IQCH: variants seen among roughly 807,000 people sequenced by gnomAD.
IQCH encodes IQ domain-containing protein H.
Under a neutral mutation model 117.0 loss-of-function variants are expected in IQCH, and 98 were observed. The ratio of observed to expected loss-of-function variants is 0.84; its 90% CI spans 0.71 to 0.99. IQCH has a LOEUF of 0.99. Ranked by LOEUF, IQCH falls within the 50% of genes least tolerant of loss-of-function variation. IQCH has a pLI of 0.00. For synonymous variants in IQCH, 412 were observed against 448.2 expected (o/e 0.92, Z 1.02); for missense variants, 1,102 against 1,243.8 (o/e 0.89, Z 1.72).
intron 6 of IQCH, among the ~76,000 whole-genome samples, chr15:67,355,861 T>C (rs1969871105): frequency 6.6e-6 from 1 of 152,236 alleles, no homozygotes; most frequent in African/African-American, 2.4e-5. Context: ...AAAATTCTTA[T>C]TGATATCATT....
chr15:67,411,783 A>G lies in IQCH; in HGVS notation c.2098-5148A>G, dbSNP rs1157584119. On this transcript the variant is annotated intron_variant, in intron 14 of 20. Coordinates refer to ENST00000335894, the MANE Select transcript of IQCH (RefSeq NM_001031715.3). This position sits in a 1 kb window ranked among gnomAD's most constrained non-coding sequence, Gnocchi z 4.4. ...TAGCTTTAGTCATTGAGTGCAATGG[A>G]GAGTCTACTGGCTTCCCCTAAGATA... Among the ~76,000 whole-genome samples the G allele has an allele frequency of 1.3e-5, 2 of 152,240 alleles. No homozygotes were observed. Among genetic ancestry groups the G allele is most frequent in the African/African-American group, 2.4e-5 (1 of 41,458 alleles).
At chr15:67,435,388 C>G (rs1221913815) in intron 16 of IQCH, among the ~76,000 whole-genome samples, 1 of 151,990 alleles carries the variant, frequency 6.6e-6, no homozygotes, top group Non-Finnish European at 1.5e-5. Flanking sequence ...AGTTTGAGAC[C>G]AGCCTGGCCA....
intron 13 of IQCH, among the ~76,000 whole-genome samples, chr15:67,397,057 C>T (rs1971493692): frequency 6.6e-6 from 1 of 152,176 alleles, no homozygotes; most frequent in South Asian, 2.1e-4. Flanking sequence ...TTGAAGATAA[C>T]AAGGTAGATT....
rs1970929208 is a variant in IQCH at position 67,381,545 on chromosome 15, G to T, written c.1373-3391G>T. ...CTTTCTGCTAGTGTTGTATTGTTCT[G>T]TGCTAATGAGGACCTGGAAAAAGCT... On this transcript the variant is annotated intron_variant, in intron 10 of 20. Coordinates refer to ENST00000335894, the MANE Select transcript of IQCH (RefSeq NM_001031715.3). This position sits in a 1 kb window ranked among gnomAD's most constrained non-coding sequence, Gnocchi z 5.1. Among the ~76,000 whole-genome samples the T allele has an allele frequency of 6.6e-6, 1 of 152,132 alleles. No individual in the cohort carries two copies. The highest frequency in any genetic ancestry group is 1.5e-5 in the Non-Finnish European group (1 of 68,018).
Position 67,261,278 on chromosome 15 carries a change from G to T in IQCH, c.58G>T (p.Glu20Ter), listed in dbSNP as rs1965450405. ...PVGSILIQIHEDLYQLKEKLT... is the reference protein window; with the variant it reads ...PVGSILIQIH ...TCATTTTTTATACCTATAGATCCAT[G>T]AAGACCTTTATCAGTTAAAGGAGAA... The change falls in exon 2 of 21, where the codon GAA becomes TAA. Residue 20 changes from glutamate to a stop codon, truncating the protein, a stop_gained. Coordinates refer to ENST00000335894, the MANE Select transcript of IQCH (RefSeq NM_001031715.3). LOFTEE classifies it high-confidence loss of function. 1.3e-6 allele frequency: 2 copies of T among 1,534,046 alleles called. No individual in the cohort carries two copies. The highest frequency in any genetic ancestry group is 1.8e-6 in the Non-Finnish European group (2 of 1,132,774).
At chr15:67,418,510 C>A (rs1185327304) in intron 15 of IQCH, among the ~76,000 whole-genome samples, 1 of 119,636 alleles carries the variant, frequency 8.4e-6, no homozygotes, top group Non-Finnish European at 1.7e-5. Flanking sequence ...AATCAAGTGG[C>A]TACCACACAC....
chr15:67,355,768 C>T (rs2140730843), intron 6 of IQCH, among the ~76,000 whole-genome samples: 1 of 152,236 alleles, frequency 6.6e-6, no homozygotes, highest in South Asian at 2.1e-4. Flanking sequence ...AATGCAGACA[C>T]ATTCCTCAAA....
At chr15:67,460,105 T>A (rs1279446627) in intron 16 of IQCH, 2 of 152,230 alleles carry the variant, frequency 1.3e-5, no homozygotes, top group African/African-American at 2.4e-5. Context: ...GGTTTTATTA[T>A]TATCTTATTA....
At chr15:67,448,010 A>G (rs1357980266) in intron 16 of IQCH, among the ~76,000 whole-genome samples, 1 of 152,158 alleles carries the variant, frequency 6.6e-6, no homozygotes, top group Non-Finnish European at 1.5e-5. Context: ...AAGCTTTTTA[A>G]GGTTTAGACT....
At position 67,468,977 on chromosome 15, in the gene IQCH, A is replaced by C. The variant is rs573368221; in HGVS notation, c.2676+3680A>C. On this transcript the variant is annotated intron_variant, in intron 17 of 20. Transcript: ENST00000335894. ...CTTCAAGTGCTGGAGCTCAGAACTAAATCAATTTAAATTGTGGCTGAAGCA... is the reference window on the plus strand; with the variant it reads ...CTTCAAGTGCTGGAGCTCAGAACTACATCAATTTAAATTGTGGCTGAAGCA... Among the ~76,000 whole-genome samples, 4 of 152,362 alleles carry C rather than the reference A, an allele frequency of 2.6e-5. 1 individual carries two copies. The East Asian group carries it at 7.7e-4, about 29-fold the overall frequency.
chr15:67,349,665 A>G (rs1969567513), intron 6 of IQCH, among the ~76,000 whole-genome samples: 1 of 152,110 alleles, frequency 6.6e-6, no homozygotes, highest in Admixed American at 6.6e-5. Context: ...ATATTTTAAA[A>G]CAATAACTGA....
At position 67,490,075 on chromosome 15, in the gene IQCH, A is replaced by C; in HGVS notation, c.2861+11A>C. ...CAAGTTGGGAATGTTGTGAGTATGA[A>C]GTGTATCTGTGAGTTGCAATAAGCT... On this transcript the variant is annotated intron_variant, in intron 19 of 20. Transcript: ENST00000335894. This position sits in a 1 kb window ranked among gnomAD's most constrained non-coding sequence, Gnocchi z 4.9. 6.3e-7 allele frequency: 1 copy of C among 1,582,246 alleles called. No homozygotes were observed. The highest frequency in any genetic ancestry group is 1.1e-5 in the South Asian group (1 of 89,964).
intron 8 of IQCH, chr15:67,360,170 A>G (rs1970074679): frequency 2.7e-6 from 1 of 370,970 alleles, no homozygotes; most frequent in African/African-American, 2.1e-5. Flanking sequence ...AATCACATCA[A>G]TCTTCAAATT....
intron 16 of IQCH, among the ~76,000 whole-genome samples, chr15:67,439,165 G>A (rs1176887881): frequency 6.6e-6 from 1 of 152,112 alleles, no homozygotes; most frequent in East Asian, 1.9e-4. Flanking sequence ...GCCATAAAAC[G>A]AGCCTCAATC....
chr15:67,400,486 T>TTTTCC (rs1971611644), intron 14 of IQCH, among the ~76,000 whole-genome samples, 181 bp downstream of exon 14: 1 of 68,978 alleles, frequency 1.4e-5, no homozygotes, highest in Non-Finnish European at 2.9e-5. Context: ...TGAGTTCTTT[T>TTTTCC]TTTTCTTTTT....
intron 10 of IQCH, among the ~76,000 whole-genome samples, chr15:67,374,380 A>G (rs1348707313): frequency 1.3e-5 from 2 of 152,246 alleles, no homozygotes; most frequent in African/African-American, 4.8e-5. Flanking sequence ...CTGTTGTAAC[A>G]GAATGCTGGA....
intron 4 of IQCH, chr15:67,306,998 CAT>C: frequency 7.4e-7 from 1 of 1,352,856 alleles, no homozygotes. Context: ...AGGCTTGAAA[CAT>C]GTATCTGTTA....
chr15:67,478,153 G>C (rs976705138), intron 18 of IQCH, among the ~76,000 whole-genome samples: 7 of 152,126 alleles, frequency 4.6e-5, no homozygotes, highest in South Asian at 4.1e-4. Context: ...GGGAGGCCGA[G>C]GTGGGTGGAT....
chr15:67,489,192 C>T (rs1596487020), intron 18 of IQCH, among the ~76,000 whole-genome samples: 1 of 150,742 alleles, frequency 6.6e-6, no homozygotes, highest in Admixed American at 6.6e-5. Context: ...CGCCACCACA[C>T]CCGGCTAATT....
Sources: allele counts gnomAD v4.1 joint callset (sites outside exome capture counted in the v4.1 genomes callset), GRCh38; gene constraint gnomAD v4.1.1; non-coding constraint Gnocchi (gnomAD v3.1); transcripts MANE v1.5; gene names NCBI Gene and HGNC (gene_info 2026-07-23, HGNC 2026-07-21).